PCDHGB3: variants seen among roughly 807,000 people sequenced by gnomAD.
PCDHGB3 encodes protocadherin gamma subfamily B, 3, also known as protocadherin gamma-B3.
A neutral mutation model predicts 59.2 loss-of-function variants in PCDHGB3; 40 were observed. The ratio of observed to expected loss-of-function variants is 0.68; its 90% CI spans 0.52 to 0.88. PCDHGB3 has a LOEUF of 0.88. Ranked by LOEUF, PCDHGB3 falls within the 40% of genes least tolerant of loss-of-function variation. The pLI is 0.00. For synonymous variants in PCDHGB3, 581 were observed against 503.6 expected, an observed-to-expected ratio of 1.15 and a Z score of -2.06; for missense variants, 1,309 against 1,187.9, an observed-to-expected ratio of 1.10 and a Z score of -1.50.
intron 1 of PCDHGB3, chr5:141,388,882 T>C (rs1038312572): frequency 6.2e-7 from 1 of 1,613,800 alleles, no homozygotes; most frequent in Non-Finnish European, 8.5e-7. Context: ...ACAGTGGAGG[T>C]AGAAGTCATA....
chr5:141,407,981 C>G, intron 1 of PCDHGB3: 4 of 770,010 alleles, frequency 5.2e-6, no homozygotes, highest in Non-Finnish European at 7.8e-6. Flanking sequence ...GCCGGGGATC[C>G]GTCAGCCTCT....
chr5:141,441,136 GA>G (rs1379465827), intron 1 of PCDHGB3: 2 of 152,304 alleles, frequency 1.3e-5, no homozygotes, highest in Middle Eastern at 3.4e-3. Flanking sequence ...CGAATTTCTA[GA>G]AGATAATGAC....
At chr5:141,403,172 C>G (rs1230059414) in intron 1 of PCDHGB3, 13 of 1,613,900 alleles carry the variant, frequency 8.1e-6, no homozygotes, top group Non-Finnish European at 1.1e-5. Flanking sequence ...TAGGACGCAG[C>G]TTTTCTCTCT....
rs756627468 is a variant in PCDHGB3, at chr5:141,370,720, T to A, written c.326T>A (p.Val109Asp). The change falls in exon 1 of 4, where the codon GTT becomes GAT. Residue 109 changes from valine to aspartate, a missense_variant. Transcript: ENST00000576222. Reference protein sequence around the residue: ...KSTCVLEFEMVAEKPLNFFHV... With the variant: ...KSTCVLEFEMDAEKPLNFFHV... Reference sequence around the variant, plus strand: ...ACGTGTGTTCTGGAATTTGAAATGGTTGCTGAAAAGCCTTTAAACTTTTTT... The same window carrying A: ...ACGTGTGTTCTGGAATTTGAAATGGATGCTGAAAAGCCTTTAAACTTTTTT... 4.3e-6 allele frequency: 7 copies of A among 1,613,868 alleles called. No homozygotes were observed. The South Asian group carries it at 7.7e-5, about 18-fold the overall frequency.
chr5:141,387,071 C>T (rs1487403463), intron 1 of PCDHGB3, among the ~76,000 whole-genome samples: 2 of 152,172 alleles, frequency 1.3e-5, no homozygotes, highest in African/African-American at 4.8e-5. Flanking sequence ...GAGGAGTAGG[C>T]TACTGCCTGT....
chr5:141,376,688 T>G (rs959333255), intron 1 of PCDHGB3: 5 of 824,852 alleles, frequency 6.1e-6, no homozygotes, highest in Non-Finnish European at 9.0e-6. Context: ...TTTTTTTTTT[T>G]TTTTTTTTTG....
At chr5:141,415,740 G>GTTTTTGTTTTTTTTTT (rs2095911468) in intron 1 of PCDHGB3, 1 of 515,998 alleles carries the variant, frequency 1.9e-6, no homozygotes, top group Non-Finnish European at 2.6e-6. Context: ...GTTTATTAAG[G>GTTTTTGTTTTTTTTTT]TTTTTTTTTT....
intron 1 of PCDHGB3, chr5:141,415,045 G>C: frequency 6.2e-7 from 1 of 1,613,538 alleles, no homozygotes; most frequent in Non-Finnish European, 8.5e-7. Flanking sequence ...CTTCGCGGTG[G>C]GGGAGCACAC....
In PCDHGB3 at chr5:141,477,018, C is replaced by T. The variant is rs2099403540; in HGVS notation, c.2416-17789C>T. The T allele has an allele frequency of 3.1e-6, 5 of 1,614,262 alleles. No homozygotes were observed. Among genetic ancestry groups the T allele is most frequent in the Non-Finnish European group, 4.2e-6 (5 of 1,180,048 alleles). ...CAACTATTCGCCTTAGACCTTGTAA[C>T]CGGGATGCTGACAATCAAGGGTCGG... On this transcript the variant is annotated intron_variant, in intron 1 of 3. Coordinates refer to ENST00000576222, the MANE Select transcript of PCDHGB3 (RefSeq NM_018924.5). The surrounding 1 kb of genome is among the most constrained non-coding windows in gnomAD (Gnocchi z 4.9).
chr5:141,421,255 C>T lies in PCDHGB3; in HGVS notation c.2415+48446C>T, dbSNP rs759899934. On this transcript the variant is annotated intron_variant, in intron 1 of 3. Coordinates refer to ENST00000576222, the MANE Select transcript of PCDHGB3 (RefSeq NM_018924.5). ...GGCGAATCGGCTACAGCGCGGGGAC[C>T]GCAGTCGGCTGCTGCTGCTGCTGTG... 5.2e-5 allele frequency: 84 copies of T among 1,607,644 alleles called. No individual in the cohort carries two copies. Among genetic ancestry groups the T allele is most frequent in the Non-Finnish European group, 6.8e-5 (80 of 1,177,916 alleles).
intron 1 of PCDHGB3, among the ~76,000 whole-genome samples, chr5:141,494,447 G>C (rs1413012155): frequency 6.6e-6 from 1 of 152,118 alleles, no homozygotes. Context: ...GCCACTTTAG[G>C]GGGCTTTGTC....
At chr5:141,433,364 T>C (rs1246641841) in intron 1 of PCDHGB3, 1 of 524,614 alleles carries the variant, frequency 1.9e-6, no homozygotes, top group Admixed American at 3.5e-5. Context: ...TCTGCCTATC[T>C]ATCTATCTAT....
chr5:141,481,724 C>T (rs1301509633), intron 1 of PCDHGB3, among the ~76,000 whole-genome samples: 2 of 151,882 alleles, frequency 1.3e-5, no homozygotes. Context: ...GAGGCGGAGG[C>T]GGGCGGATCA....
At chr5:141,417,656 G>A (rs1561768422) in intron 1 of PCDHGB3, 1 of 854,026 alleles carries the variant, frequency 1.2e-6, no homozygotes, top group Non-Finnish European at 1.7e-6. Context: ...CCTCTAGCCT[G>A]GGATTCCCTG....
chr5:141,479,616 C>A (rs1371541860), intron 1 of PCDHGB3: 2 of 152,232 alleles, frequency 1.3e-5, no homozygotes, highest in African/African-American at 4.8e-5. Flanking sequence ...TATAGGGAAA[C>A]CATGTCTCTT....
At chr5:141,510,682 GA>G (rs1303501817) in intron 3 of PCDHGB3, among the ~76,000 whole-genome samples, 6 of 152,154 alleles carry the variant, frequency 3.9e-5, no homozygotes, top group Non-Finnish European at 8.8e-5. Flanking sequence ...GTGGCATAAG[GA>G]GGTTAGGTAG....
At chr5:141,381,831 T>C (rs1313642722) in intron 1 of PCDHGB3, among the ~76,000 whole-genome samples, 7 of 136,370 alleles carry the variant, frequency 5.1e-5, no homozygotes, top group African/African-American at 2.0e-4. Context: ...TTCTTCTTTT[T>C]TTTTTTTTTT....
At chr5:141,505,777 TCTG>T (rs77860300) in intron 3 of PCDHGB3, among the ~76,000 whole-genome samples, 6,508 of 152,280 alleles carry the variant, frequency 0.043, 161 homozygotes, top group Middle Eastern at 0.13. Context: ...AGGTCCTAGC[TCTG>T]CTACTATCCT....
Position 141,476,370 on chromosome 5 carries a change from A to G in PCDHGB3, c.2416-18437A>G, listed in dbSNP as rs747703594. 13 of 1,613,882 alleles carry G rather than the reference A, an allele frequency of 8.1e-6. No individual in the cohort carries two copies. In the East Asian group the frequency reaches 2.7e-4, roughly 33 times the overall value. On this transcript the variant is annotated intron_variant, in intron 1 of 3. Transcript: ENST00000576222. This position sits in a 1 kb window ranked among gnomAD's most constrained non-coding sequence, Gnocchi z 7.6. ...TTTGAGGTGAACCGGGAGACCGGAG[A>G]GATGTTTGTGAACGACCGTCTGGAT...
Sources: allele counts gnomAD v4.1 joint callset (sites outside exome capture counted in the v4.1 genomes callset), GRCh38; gene constraint gnomAD v4.1.1; non-coding constraint Gnocchi (gnomAD v3.1); transcripts MANE v1.5; gene names NCBI Gene and HGNC (gene_info 2026-07-23, HGNC 2026-07-21).